Variants in DCAF10 observed in about 807,000 individuals in gnomAD.
The protein encoded by DCAF10 is DDB1- and CUL4-associated factor 10.
Under a neutral mutation model 51.9 loss-of-function variants are expected in DCAF10, and 19 were observed. The ratio of observed to expected loss-of-function variants is 0.37; its 90% CI spans 0.26 to 0.54. DCAF10 has a LOEUF of 0.54. Ranked by LOEUF, DCAF10 falls within the 20% of genes least tolerant of loss-of-function variation. The probability of loss-of-function intolerance (pLI) is 0.87; values close to 1 mark genes in which losing one functional copy is unlikely to be tolerated. For missense variants in DCAF10, 510 were observed against 730.6 expected (o/e 0.70, Z 3.48); for synonymous variants, 291 against 297.1 (o/e 0.98, Z 0.21).
At chr9:37,802,876 G>T (rs1829000917) in intron 1 of DCAF10, among the ~76,000 whole-genome samples, 1 of 152,174 alleles carries the variant, frequency 6.6e-6, no homozygotes, top group African/African-American at 2.4e-5. Context: ...AACACGAACA[G>T]TCTGTCCTCA....
At chr9:37,841,944 A>C (rs1227593224) in intron 2 of DCAF10, 145 bp from the exon 3 acceptor site, 3 of 632,858 alleles carry the variant, frequency 4.7e-6, no homozygotes, top group Non-Finnish European at 7.8e-6. Flanking sequence ...TTTTTATAGT[A>C]TATCAGTCAT....
chr9:37,810,369 C>A (rs1279587853), intron 1 of DCAF10, among the ~76,000 whole-genome samples: 1 of 152,196 alleles, frequency 6.6e-6, no homozygotes, highest in African/African-American at 2.4e-5. Flanking sequence ...TGATGTGAGC[C>A]CAGCATTTGA....
intron 1 of DCAF10, among the ~76,000 whole-genome samples, chr9:37,813,865 C>CAAA (rs1829426700): frequency 6.6e-6 from 1 of 151,592 alleles, no homozygotes; most frequent in Non-Finnish European, 1.5e-5. Context: ...AAAACACTAT[C>CAAA]AAAATTTGTG....
At chr9:37,816,659 G>GGGGGGGTGTGTGT in intron 1 of DCAF10, among the ~76,000 whole-genome samples, 1 of 144,984 alleles carries the variant, frequency 6.9e-6, no homozygotes, top group South Asian at 2.2e-4. Context: ...CTGCACCTGG[G>GGGGGGGTGTGTGT]GTGTGTGTGT....
At chr9:37,832,415 G>C (rs150780216) in intron 2 of DCAF10, among the ~76,000 whole-genome samples, 2 of 151,418 alleles carry the variant, frequency 1.3e-5, no homozygotes, top group Non-Finnish European at 2.9e-5. Flanking sequence ...CCGAGATCAC[G>C]CCATTGCATG....
At chr9:37,830,164 A>G (rs1031147294) in intron 2 of DCAF10, among the ~76,000 whole-genome samples, 3 of 152,246 alleles carry the variant, frequency 2.0e-5, no homozygotes, top group Non-Finnish European at 4.4e-5. Context: ...GTACTCATAC[A>G]ATGAAATACT....
intron 1 of DCAF10, among the ~76,000 whole-genome samples, chr9:37,810,383 C>T (rs951671711): frequency 6.6e-6 from 1 of 152,116 alleles, no homozygotes; most frequent in Non-Finnish European, 1.5e-5. Context: ...CATTTGAGCT[C>T]GCTTCTCTGA....
intron 5 of DCAF10, among the ~76,000 whole-genome samples, chr9:37,859,607 C>A (rs1171913515): frequency 1.3e-5 from 2 of 152,156 alleles, no homozygotes; most frequent in African/African-American, 2.4e-5. Flanking sequence ...AAAAGGCAAT[C>A]CTCATGGCTT....
At chr9:37,859,525 C>A (rs946865462) in intron 5 of DCAF10, among the ~76,000 whole-genome samples, 2 of 152,152 alleles carry the variant, frequency 1.3e-5, no homozygotes, top group Admixed American at 1.3e-4. Context: ...TCCTTTCTTA[C>A]CTCCAACATT....
At chr9:37,841,479 CT>C (rs775700670) in intron 2 of DCAF10, among the ~76,000 whole-genome samples, 88 of 152,148 alleles carry the variant, frequency 5.8e-4, no homozygotes, top group South Asian at 1.5e-3. Context: ...AATAAAAAGT[CT>C]GAATTATAGA....
chr9:37,843,793 T>C (rs1400084823), intron 3 of DCAF10, among the ~76,000 whole-genome samples: 2 of 152,208 alleles, frequency 1.3e-5, no homozygotes, highest in Non-Finnish European at 2.9e-5. Flanking sequence ...TAACCTAAGC[T>C]TTAATCCAAA....
chr9:37,834,025 C>T (rs914082292), intron 2 of DCAF10, among the ~76,000 whole-genome samples: 6 of 152,058 alleles, frequency 3.9e-5, no homozygotes, highest in African/African-American at 7.2e-5. Context: ...CTGCAGCCTC[C>T]GCCCCGCCAG....
At position 37,801,559 on chromosome 9, in the gene DCAF10, C is replaced by G; in HGVS notation, c.539+154C>G. ...GTGCCTCCTGGCACTTTCTGAAGCGCATTCTCGCCCTTGGAATCCCCAGCC... is the reference window on the plus strand; with the variant it reads ...GTGCCTCCTGGCACTTTCTGAAGCGGATTCTCGCCCTTGGAATCCCCAGCC... On this transcript the variant is annotated intron_variant, in intron 1 of 6. Coordinates refer to ENST00000377724, the MANE Select transcript of DCAF10 (RefSeq NM_024345.5). This position sits in a 1 kb window ranked among gnomAD's most constrained non-coding sequence, Gnocchi z 5.5. The G allele has an allele frequency of 1.0e-6, 1 of 973,224 alleles. No individual in the cohort carries two copies. The highest frequency in any genetic ancestry group is 1.4e-6 in the Non-Finnish European group (1 of 727,562). 60.3% of individuals were successfully genotyped at this position (973,224 alleles called of 1,614,324 possible). A position where few individuals can be genotyped will look rare whatever the true frequency, so the allele number is the denominator to read the frequency against.
At position 37,829,237 on chromosome 9, in the gene DCAF10, C is replaced by T. The variant is rs1183380217; in HGVS notation, c.653+9836C>T. On this transcript the variant is annotated intron_variant, in intron 2 of 6. Coordinates refer to ENST00000377724, the MANE Select transcript of DCAF10 (RefSeq NM_024345.5). The surrounding 1 kb of genome is among the most constrained non-coding windows in gnomAD (Gnocchi z 4.2). ...GGTGGATCACCTGAGGTAGGGAGTTCGAGACCAGCCTGACCAACATGGAGA... is the reference window on the plus strand; with the variant it reads ...GGTGGATCACCTGAGGTAGGGAGTTTGAGACCAGCCTGACCAACATGGAGA... 1.3e-5 allele frequency among the ~76,000 whole-genome samples: 2 copies of T among 152,010 alleles called. No individual in the cohort carries two copies. The highest frequency in any genetic ancestry group is 2.4e-5 in the African/African-American group (1 of 41,392).
chr9:37,808,306 G>A (rs1281612060), intron 1 of DCAF10, among the ~76,000 whole-genome samples: 3 of 151,152 alleles, frequency 2.0e-5, no homozygotes, highest in African/African-American at 4.9e-5. Flanking sequence ...TACTCAGGAG[G>A]CTGAGGTGGG....
Position 37,800,847 on chromosome 9 carries a change from G to C in DCAF10, c.-20G>C. The stretch of plus-strand genomic sequence containing the variant: ...GGCCGGCGGGGCAGTGGCCCGGAGC[G>C]GGGGGCGGGGGCGTTGATCATGTTT... On this transcript the variant is annotated 5_prime_UTR_variant, in exon 1 of 7. Transcript: ENST00000377724. The C allele has an allele frequency of 1.3e-6, 2 of 1,484,744 alleles. No individual in the cohort carries two copies. The highest frequency in any genetic ancestry group is 1.3e-5 in the South Asian group (1 of 74,986). 92.0% of individuals were successfully genotyped at this position (1,484,744 alleles called of 1,614,324 possible). A position where few individuals can be genotyped will look rare whatever the true frequency, so the allele number is the denominator to read the frequency against.
At chr9:37,806,943 G>A (rs1486095968) in intron 1 of DCAF10, among the ~76,000 whole-genome samples, 1 of 152,128 alleles carries the variant, frequency 6.6e-6, no homozygotes, top group Non-Finnish European at 1.5e-5. Context: ...GGTGTATGCT[G>A]TTAACTGCTG....
intron 2 of DCAF10, among the ~76,000 whole-genome samples, chr9:37,826,010 G>A (rs1469467675): frequency 6.7e-6 from 1 of 150,364 alleles, no homozygotes; most frequent in African/African-American, 2.5e-5. Context: ...ACACCAGCCT[G>A]AGCGACAGAG....
intron 2 of DCAF10, among the ~76,000 whole-genome samples, chr9:37,835,607 G>A (rs937977433): frequency 1.2e-4 from 18 of 151,778 alleles, no homozygotes; most frequent in Non-Finnish European, 2.7e-4. Flanking sequence ...GCGTGGTGGC[G>A]GGCACCTGTA....
Sources: allele counts gnomAD v4.1 joint callset (sites outside exome capture counted in the v4.1 genomes callset), GRCh38; gene constraint gnomAD v4.1.1; non-coding constraint Gnocchi (gnomAD v3.1); transcripts MANE v1.5; gene names NCBI Gene and HGNC (gene_info 2026-07-23, HGNC 2026-07-21).